The following LRRC28 variants were observed in gnomAD, a reference collection of about 807,000 sequenced individuals.
The protein encoded by LRRC28 is leucine rich repeat containing 28, also known as leucine-rich repeat-containing protein 28.
In LRRC28, 39 loss-of-function variants were observed where a neutral mutation model predicts 45.7. The ratio of observed to expected loss-of-function variants is 0.85; its 90% CI spans 0.66 to 1.12. The LOEUF (loss-of-function observed/expected upper bound fraction) is 1.12, where lower values mean the gene tolerates loss of function less well. LRRC28 is among the 50% of genes most tolerant of loss of function. LRRC28 has a pLI of 0.00. For synonymous variants in LRRC28, 206 were observed against 178.8 expected (o/e 1.15, Z -1.22); for missense variants, 435 against 438.5 (o/e 0.99, Z 0.07).
At chr15:99,280,619 T>G (rs2081760382) in intron 3 of LRRC28, among the ~76,000 whole-genome samples, 1 of 152,114 alleles carries the variant, frequency 6.6e-6, no homozygotes, top group South Asian at 2.1e-4. Flanking sequence ...TTTTTCTCCC[T>G]TGGGCTACTT....
intron 6 of LRRC28, 54 bp downstream of exon 6, chr15:99,334,183 G>C (rs1956247053): frequency 6.3e-7 from 1 of 1,592,982 alleles, no homozygotes; most frequent in Non-Finnish European, 8.6e-7. Context: ...GAAAGCCTTT[G>C]TTTCTTTGAC....
chr15:99,366,262 A>G (rs928073155), intron 9 of LRRC28, among the ~76,000 whole-genome samples: 4 of 152,164 alleles, frequency 2.6e-5, no homozygotes, highest in African/African-American at 9.7e-5. Context: ...TGGCTTGTAG[A>G]TGACCATCTT....
intron 9 of LRRC28, among the ~76,000 whole-genome samples, chr15:99,375,571 T>C (rs149211188): frequency 1.4e-3 from 207 of 152,350 alleles, no homozygotes; most frequent in African/African-American, 4.1e-3. Context: ...TACTCTTTGT[T>C]AGAATTCTCC....
Position 99,363,224 on chromosome 15 carries a change from C to T in LRRC28, c.990C>T (p.Leu330=), listed in dbSNP as rs950321586. Residue 330 remains leucine (L), a synonymous_variant, in exon 9 of 10, where the codon CTC becomes CTT. Coordinates refer to ENST00000301981, the MANE Select transcript of LRRC28 (RefSeq NM_144598.5). ...TGTTTACCATCGTCTACCCCAAGCT[C>T]TTTCCCTTGAGAGAGACGCCAATGG... ...EPMFTIVYPK[L]FPLRETPMAG... 2 of 1,614,088 alleles carry T rather than the reference C, an allele frequency of 1.2e-6. No homozygotes were observed. Among genetic ancestry groups the T allele is most frequent in the Admixed American group, 1.7e-5 (1 of 60,014 alleles).
chr15:99,289,344 T>C (rs953533698), intron 5 of LRRC28, among the ~76,000 whole-genome samples: 2 of 152,234 alleles, frequency 1.3e-5, no homozygotes, highest in African/African-American at 2.4e-5. Context: ...AGATGTTAAT[T>C]TGTCTGAGAT....
chr15:99,366,535 C>G (rs957056084), intron 9 of LRRC28, among the ~76,000 whole-genome samples: 1 of 152,138 alleles, frequency 6.6e-6, no homozygotes, highest in African/African-American at 2.4e-5. Flanking sequence ...AGTCTGAAAT[C>G]AAGGGGTCAG....
At chr15:99,266,387 C>T (rs575469481) in intron 2 of LRRC28, among the ~76,000 whole-genome samples, 1 of 152,018 alleles carries the variant, frequency 6.6e-6, no homozygotes, top group African/African-American at 2.4e-5. Context: ...GGCATCGAGG[C>T]ATACCAGCTA....
intron 1 of LRRC28, 53 bp from the exon 2 acceptor site, chr15:99,255,845 G>C: frequency 8.5e-7 from 1 of 1,173,932 alleles, no homozygotes; most frequent in Non-Finnish European, 1.2e-6. Context: ...GGTTTATATG[G>C]CAATTCTTGT....
intron 9 of LRRC28, among the ~76,000 whole-genome samples, chr15:99,365,229 C>T (rs1012638665): frequency 3.3e-5 from 5 of 152,180 alleles, no homozygotes; most frequent in Non-Finnish European, 5.9e-5. Flanking sequence ...CCTGCTACAA[C>T]TTAGAAATGT....
chr15:99,294,437 G>A (rs547802194), intron 5 of LRRC28, among the ~76,000 whole-genome samples: 2 of 152,120 alleles, frequency 1.3e-5, no homozygotes, highest in South Asian at 2.1e-4. Flanking sequence ...GCTCTCCAGT[G>A]TGTTAGTTTT....
chr15:99,305,748 T>C (rs1305904978), intron 5 of LRRC28, among the ~76,000 whole-genome samples: 1 of 152,228 alleles, frequency 6.6e-6, no homozygotes, highest in Non-Finnish European at 1.5e-5. Flanking sequence ...CATTTATAAA[T>C]TAATTTGAAA....
intron 6 of LRRC28, among the ~76,000 whole-genome samples, chr15:99,335,083 A>C (rs1956280335): frequency 6.6e-6 from 1 of 152,228 alleles, no homozygotes; most frequent in African/African-American, 2.4e-5. Context: ...TAACAAAATG[A>C]AATGAGGCCG....
intron 7 of LRRC28, among the ~76,000 whole-genome samples, chr15:99,359,562 TC>T (rs1483515724): frequency 1.3e-5 from 2 of 152,194 alleles, no homozygotes; most frequent in Non-Finnish European, 2.9e-5. Flanking sequence ...TTCTTACCAA[TC>T]TTTTTGGAAA....
In LRRC28 at chr15:99,346,372, T is replaced by A. The variant is rs116629790; in HGVS notation, c.593-5997T>A. On this transcript the variant is annotated intron_variant, in intron 6 of 9. Transcript: ENST00000301981. ...TTTTGTAGAGACAGTATCTTGCTGT[T>A]TCCCAAGCTGATCTTAAACTTCTGG... 1.7e-3 allele frequency among the ~76,000 whole-genome samples: 266 copies of A among 152,316 alleles called. 2 individuals carry two copies. Among genetic ancestry groups the A allele is most frequent in the African/African-American group, 5.6e-3 (232 of 41,568 alleles).
intron 6 of LRRC28, among the ~76,000 whole-genome samples, chr15:99,346,980 G>C (rs1350815109): frequency 6.6e-6 from 1 of 152,058 alleles, no homozygotes. Context: ...GGTTACTGTA[G>C]ACAAACAAAT....
At chr15:99,345,618 A>G (rs997170048) in intron 6 of LRRC28, among the ~76,000 whole-genome samples, 2 of 152,178 alleles carry the variant, frequency 1.3e-5, no homozygotes, top group Non-Finnish European at 2.9e-5. Flanking sequence ...GGCCTTTTTT[A>G]TGCAAGTGGA....
At chr15:99,329,933 A>C (rs1223458731) in intron 5 of LRRC28, among the ~76,000 whole-genome samples, 1 of 152,304 alleles carries the variant, frequency 6.6e-6, no homozygotes, top group Admixed American at 6.5e-5. Flanking sequence ...CCATGCACCT[A>C]TGATTAATAT....
In LRRC28 at chr15:99,387,277, G is replaced by T. The variant is rs1157892921; in HGVS notation, c.*1175G>T. 6.6e-6 allele frequency: 1 copy of T among 151,582 alleles called. No homozygotes were observed. Among genetic ancestry groups the T allele is most frequent in the Admixed American group, 6.6e-5 (1 of 15,204 alleles). The allele number at this position is 151,582 out of a possible 1,614,324, so 9.4% of individuals were successfully genotyped here. A position where few individuals can be genotyped will look rare whatever the true frequency, so the allele number is the denominator to read the frequency against. On this transcript the variant is annotated 3_prime_UTR_variant, in exon 10 of 10. Coordinates refer to ENST00000301981, the MANE Select transcript of LRRC28 (RefSeq NM_144598.5). ...GGGTTTCACCGTGTTAGCCGGGATGGTCTCGATCTCCTGACCTCGTGATCC... is the reference window on the plus strand; with the variant it reads ...GGGTTTCACCGTGTTAGCCGGGATGTTCTCGATCTCCTGACCTCGTGATCC...
chr15:99,349,471 C>T (rs993078855), intron 6 of LRRC28, among the ~76,000 whole-genome samples: 33 of 152,186 alleles, frequency 2.2e-4, no homozygotes, highest in African/African-American at 7.7e-4. Flanking sequence ...AAAATGAAAC[C>T]ATGTAAACAC....
Sources: gnomAD v4.1 joint callset for allele counts (sites outside exome capture counted in the v4.1 genomes callset) on GRCh38, gnomAD v4.1.1 for gene constraint, MANE v1.5 for transcripts, NCBI Gene and HGNC (gene_info 2026-07-23, HGNC 2026-07-21) for gene names.